ABAT: variants seen among roughly 807,000 people sequenced by gnomAD.
The protein encoded by ABAT is 4-aminobutyrate aminotransferase.
A neutral mutation model predicts 64.6 loss-of-function variants in ABAT; 45 were observed. The ratio of observed to expected loss-of-function variants is 0.70; its 90% CI spans 0.55 to 0.89. ABAT has a LOEUF of 0.89. Ranked by LOEUF, ABAT falls within the 40% of genes least tolerant of loss-of-function variation. The pLI is 0.00. For missense variants in ABAT, 633 were observed against 658.4 expected (o/e 0.96, Z 0.42); for synonymous variants, 297 against 250.5 (o/e 1.19, Z -1.75).
At chr16:8,700,760 G>A (rs566512374) in intron 1 of ABAT, among the ~76,000 whole-genome samples, 15 of 151,692 alleles carry the variant, frequency 9.9e-5, no homozygotes, top group South Asian at 2.1e-4. Context: ...TACACCTGGC[G>A]CATTTTAAAA....
chr16:8,750,942 G>GC (rs376914935), intron 5 of ABAT, among the ~76,000 whole-genome samples: 2 of 123,060 alleles, frequency 1.6e-5, no homozygotes, highest in African/African-American at 6.7e-5. Context: ...CTTTTTCCCT[G>GC]CTTTTTTTTT....
intron 1 of ABAT, among the ~76,000 whole-genome samples, chr16:8,696,755 C>T (rs534085935): frequency 7.2e-5 from 11 of 152,304 alleles, no homozygotes; most frequent in Admixed American, 6.5e-4. Flanking sequence ...GTGTTCCCAG[C>T]AGCCGGGTGC....
At chr16:8,732,274 G>T (rs1164501678) in intron 1 of ABAT, among the ~76,000 whole-genome samples, 2 of 145,636 alleles carry the variant, frequency 1.4e-5, no homozygotes, top group Non-Finnish European at 3.0e-5. Context: ...CACAGAGGGG[G>T]ATTTGGCAGG....
At chr16:8,768,996 C>T (rs767734948) in intron 11 of ABAT, 23 bp downstream of exon 11, 2 of 1,613,780 alleles carry the variant, frequency 1.2e-6, no homozygotes, top group South Asian at 2.2e-5. Context: ...CCCTGCGGAT[C>T]CTCCCCAACC....
Position 8,776,741 on chromosome 16 carries a change from T to G in ABAT, c.1269+251T>G, listed in dbSNP as rs1266337240. Among the ~76,000 whole-genome samples, 2 of 152,104 alleles carry G rather than the reference T, an allele frequency of 1.3e-5. No individual in the cohort carries two copies. The highest frequency in any genetic ancestry group is 2.9e-5 in the Non-Finnish European group (2 of 68,026). On this transcript the variant is annotated intron_variant, in intron 14 of 15. Coordinates refer to ENST00000268251, the MANE Select transcript of ABAT (RefSeq NM_020686.6). This position sits in a 1 kb window ranked among gnomAD's most constrained non-coding sequence, Gnocchi z 4.4. ...TTCTTTGTTGTTGTTTTTTTTAATTTATTTTTTATTTTTTTAATATTGAGA... is the reference window on the plus strand; with the variant it reads ...TTCTTTGTTGTTGTTTTTTTTAATTGATTTTTTATTTTTTTAATATTGAGA...
intron 2 of ABAT, among the ~76,000 whole-genome samples, chr16:8,741,737 T>A (rs1051969486): frequency 1.2e-4 from 18 of 152,210 alleles, no homozygotes; most frequent in Non-Finnish European, 1.9e-4. Flanking sequence ...TTTCCTTTTT[T>A]AAAAATGCCA....
At chr16:8,770,863 G>A (rs1386796511) in intron 11 of ABAT, among the ~76,000 whole-genome samples, 1 of 152,078 alleles carries the variant, frequency 6.6e-6, no homozygotes, top group African/African-American at 2.4e-5. Flanking sequence ...TAAACAATGT[G>A]ATTTTTATAT....
At chr16:8,724,603 G>A (rs2058479526) in intron 1 of ABAT, among the ~76,000 whole-genome samples, 1 of 152,016 alleles carries the variant, frequency 6.6e-6, no homozygotes, top group South Asian at 2.1e-4. Context: ...AGGTGTGGTG[G>A]CATGTGCTTA....
intron 1 of ABAT, among the ~76,000 whole-genome samples, chr16:8,695,630 C>T (rs150167281): frequency 2.6e-5 from 4 of 152,342 alleles, no homozygotes; most frequent in South Asian, 2.1e-4. Flanking sequence ...CAGTTAGCAT[C>T]GGGTGAGTGT....
chr16:8,772,649 T>G, intron 11 of ABAT, 131 bp from the exon 12 acceptor site: 1 of 1,287,426 alleles, frequency 7.8e-7, no homozygotes, highest in Non-Finnish European at 1.1e-6. Flanking sequence ...GAGGCTTCAC[T>G]GGTCTTAGGA....
At chr16:8,716,031 G>A (rs1311738188) in intron 1 of ABAT, among the ~76,000 whole-genome samples, 1 of 152,156 alleles carries the variant, frequency 6.6e-6, no homozygotes, top group Non-Finnish European at 1.5e-5. Context: ...TTTTATGTGG[G>A]TCTGAAGATT....
rs2060091279 is a variant in ABAT at position 8,771,054 on chromosome 16, G to T, written c.817-1726G>T. ...CTCATGCCTGTAACTGCGACACTTT[G>T]GGAGGTTGAGGCGGGCAGATCACCT... On this transcript the variant is annotated intron_variant, in intron 11 of 15. Transcript: ENST00000268251. Among the ~76,000 whole-genome samples, 3 of 152,118 alleles carry T rather than the reference G, an allele frequency of 2.0e-5. No individual in the cohort carries two copies. In the South Asian group the frequency reaches 6.2e-4, roughly 31 times the overall value.
At chr16:8,681,678 G>C (rs1415473950) in intron 1 of ABAT, among the ~76,000 whole-genome samples, 1 of 141,394 alleles carries the variant, frequency 7.1e-6, no homozygotes, top group African/African-American at 2.6e-5. Context: ...GTCTTGCTCT[G>C]TTGCCCAGGC....
intron 6 of ABAT, among the ~76,000 whole-genome samples, chr16:8,759,907 T>C (rs974255936): frequency 1.8e-4 from 28 of 152,340 alleles, no homozygotes; most frequent in South Asian, 6.2e-4. Flanking sequence ...TTACCTCGTC[T>C]GGCTTATTTC....
Position 8,768,872 on chromosome 16 carries a change from C to G in ABAT, c.715C>G (p.Pro239Ala), listed in dbSNP as rs2142977292. ...HSKAIHKIDI[P>A]SFDWPIAPFP... ...TAAAGCCATTCACAAGATCGACATC[C>G]CTTCCTTTGACTGGCCCATCGCACC... Residue 239 changes from proline (P) to alanine (A), a missense_variant, in exon 11 of 16, where the codon CCT becomes GCT. Pro to Ala is a conservative substitution (Grantham distance 27). Coordinates refer to ENST00000268251, the MANE Select transcript of ABAT (RefSeq NM_020686.6). 2 of 1,614,186 alleles carry G rather than the reference C, an allele frequency of 1.2e-6. No individual in the cohort carries two copies. Among genetic ancestry groups the G allele is most frequent in the Non-Finnish European group, 1.7e-6 (2 of 1,180,024 alleles).
intron 1 of ABAT, among the ~76,000 whole-genome samples, chr16:8,727,989 A>G (rs2058606577): frequency 6.6e-6 from 1 of 152,206 alleles, no homozygotes; most frequent in African/African-American, 2.4e-5. Flanking sequence ...GAAGATTGCT[A>G]GAGCCCGGGC....
At chr16:8,772,423 C>T (rs12925086) in intron 11 of ABAT, among the ~76,000 whole-genome samples, 37,563 of 152,044 alleles carry the variant, frequency 0.25, 5,111 homozygotes, top group Admixed American at 0.33. Flanking sequence ...GCTAAAACAT[C>T]TGGCCCAGCA....
chr16:8,715,951 G>A (rs80201369), intron 1 of ABAT, among the ~76,000 whole-genome samples: 2 of 152,122 alleles, frequency 1.3e-5, no homozygotes, highest in Non-Finnish European at 2.9e-5. Flanking sequence ...AGATAATAGA[G>A]TGGGCACGAG....
intron 1 of ABAT, among the ~76,000 whole-genome samples, chr16:8,689,962 G>A (rs1364079462): frequency 6.6e-6 from 1 of 152,134 alleles, no homozygotes; most frequent in Non-Finnish European, 1.5e-5. Flanking sequence ...ACTATCCTAA[G>A]AACAATAACA....
Sources: allele counts gnomAD v4.1 joint callset (sites outside exome capture counted in the v4.1 genomes callset), GRCh38; gene constraint gnomAD v4.1.1; non-coding constraint Gnocchi (gnomAD v3.1); transcripts MANE v1.5; gene names NCBI Gene and HGNC (gene_info 2026-07-23, HGNC 2026-07-21).